UGT2A2: variants seen among roughly 807,000 people sequenced by gnomAD.
UGT2A2 encodes UDP glucuronosyltransferase family 2 member A2.
A neutral mutation model predicts 50.7 loss-of-function variants in UGT2A2; 60 were observed. That is an observed-to-expected ratio of 1.18 (90% confidence interval 0.96 to 1.47). The LOEUF is 1.47. UGT2A2 is among the 40% of genes most tolerant of loss of function. The pLI is 0.00. For missense variants in UGT2A2, 762 were observed against 634.0 expected, an observed-to-expected ratio of 1.20 and a Z score of -2.17; for synonymous variants, 242 against 214.6, an observed-to-expected ratio of 1.13 and a Z score of -1.11.
chr4:69,597,820 T>C (rs1247557631), intron 2 of UGT2A2, among the ~76,000 whole-genome samples: 4 of 152,136 alleles, frequency 2.6e-5, no homozygotes, highest in African/African-American at 7.2e-5. Context: ...TTTTGTATTC[T>C]GTGTACCCAG....
At chr4:69,591,970 T>A (rs1718618519) in intron 5 of UGT2A2, among the ~76,000 whole-genome samples, 1 of 152,182 alleles carries the variant, frequency 6.6e-6, no homozygotes, top group South Asian at 2.1e-4. Context: ...ATACAACATG[T>A]ACGTATTAAT....
chr4:69,633,685 G>A (rs912438569), intron 1 of UGT2A2, among the ~76,000 whole-genome samples: 2 of 152,078 alleles, frequency 1.3e-5, no homozygotes, highest in African/African-American at 4.8e-5. Flanking sequence ...ATCAAAATAA[G>A]CAAGATACAA....
At chr4:69,594,985 C>A (rs1718830837) in intron 4 of UGT2A2, among the ~76,000 whole-genome samples, 177 bp downstream of exon 4, 1 of 152,060 alleles carries the variant, frequency 6.6e-6, no homozygotes, top group South Asian at 2.1e-4. Context: ...TTTTGTGAAC[C>A]AGAGGAAGCC....
Position 69,596,383 on chromosome 4 carries a change from T to C in UGT2A2, c.892-2A>G, listed in dbSNP as rs1325460788. 1 of 1,580,110 alleles carries C rather than the reference T, an allele frequency of 6.3e-7. No homozygotes were observed. On this transcript the variant is annotated splice_acceptor_variant, in intron 2 of 5. Transcript: ENST00000604629. LOFTEE classifies it high-confidence loss of function. ...GCTCTGGATAAATTCTTCCATTTCC[T>C]GCATACATAATATATTTTCTATTAC...
intron 1 of UGT2A2, among the ~76,000 whole-genome samples, chr4:69,621,840 T>TG (rs1274742562): frequency 6.6e-6 from 1 of 151,918 alleles, no homozygotes; most frequent in African/African-American, 2.4e-5. Context: ...AAAGAGAACA[T>TG]GTTTTTTGCA....
chr4:69,610,519 A>T (rs62306515), intron 1 of UGT2A2, among the ~76,000 whole-genome samples: 2,048 of 152,250 alleles, frequency 0.013, 22 homozygotes, highest in Non-Finnish European at 0.02. Context: ...TTAAACACAA[A>T]CTTTAAATAA....
chr4:69,639,612 G>A lies in UGT2A2; in HGVS notation c.29C>T (p.Pro10Leu), dbSNP rs778399316. The change falls in exon 1 of 6, where the codon CCT becomes CTT. Residue 10 changes from proline to leucine, a missense_variant. Physicochemically the swap from Pro to Leu is moderately conservative, Grantham distance 98. Transcript: ENST00000604629. ...AACCAGCATCTGGACAAACTTCTTA[G>A]GCATGGTAAAATCCCTTATGGAAAC... MVSIRDFTM[P>L]KKFVQMLVFN... 6.3e-7 allele frequency: 1 copy of A among 1,598,846 alleles called. No homozygotes were observed. Among genetic ancestry groups the A allele is most frequent in the Non-Finnish European group, 8.5e-7 (1 of 1,174,434 alleles).
At chr4:69,597,436 C>A (rs1718993677) in intron 2 of UGT2A2, among the ~76,000 whole-genome samples, 1 of 152,132 alleles carries the variant, frequency 6.6e-6, no homozygotes, top group Non-Finnish European at 1.5e-5. Flanking sequence ...TTTGACACTG[C>A]AAAATCTGAG....
intron 1 of UGT2A2, among the ~76,000 whole-genome samples, chr4:69,625,759 T>C (rs1721019787): frequency 6.6e-6 from 1 of 151,536 alleles, no homozygotes; most frequent in Admixed American, 6.6e-5. Context: ...AGTCTAAAGA[T>C]GTATCTTTTC....
intron 1 of UGT2A2, among the ~76,000 whole-genome samples, chr4:69,607,940 C>G (rs546701626): frequency 1.3e-3 from 192 of 152,022 alleles, no homozygotes; most frequent in Middle Eastern, 3.4e-3. Flanking sequence ...GAGAGGATGT[C>G]GAGAAATAGG....
At chr4:69,590,665 G>GTGTC (rs1201804623) in intron 5 of UGT2A2, among the ~76,000 whole-genome samples, 1 of 149,640 alleles carries the variant, frequency 6.7e-6, no homozygotes, top group South Asian at 2.1e-4. Context: ...GTGTGTTTGT[G>GTGTC]TGTCTGTCTG....
At chr4:69,638,823 G>A in intron 1 of UGT2A2, 76 bp downstream of exon 1, 1 of 1,444,806 alleles carries the variant, frequency 6.9e-7, no homozygotes, top group East Asian at 2.5e-5. Flanking sequence ...GCAGTGGAAT[G>A]GAAATCGTTT....
chr4:69,611,972 T>C lies in UGT2A2; in HGVS notation c.743-12578A>G, dbSNP rs4148293. ...TGTATAGCAAGAAAAATTTCCTCTG[T>C]TGACTTGTCCCTGTGTGGAAGAAAA... On this transcript the variant is annotated intron_variant, in intron 1 of 5. Coordinates refer to ENST00000604629, the MANE Select transcript of UGT2A2 (RefSeq NM_001105677.2). Among the ~76,000 whole-genome samples, 31 of 152,244 alleles carry C rather than the reference T, an allele frequency of 2.0e-4. No individual in the cohort carries two copies. The East Asian group carries it at 6.0e-3, about 29-fold the overall frequency.
At chr4:69,614,970 G>A (rs1720290664) in intron 1 of UGT2A2, among the ~76,000 whole-genome samples, 1 of 151,984 alleles carries the variant, frequency 6.6e-6, no homozygotes, top group South Asian at 2.1e-4. Flanking sequence ...GGTGGCAGGA[G>A]AGAGAAAGAG....
chr4:69,599,769 G>C (rs1394408524), intron 1 of UGT2A2: 1 of 164,138 alleles, frequency 6.1e-6, no homozygotes, highest in Non-Finnish European at 1.3e-5. Context: ...AGTGGGGCCT[G>C]GGAAAGGAAG....
At chr4:69,637,095 A>G (rs1441089540) in intron 1 of UGT2A2, among the ~76,000 whole-genome samples, 1 of 152,172 alleles carries the variant, frequency 6.6e-6, no homozygotes, top group Non-Finnish European at 1.5e-5. Flanking sequence ...AGACATACTC[A>G]TGTGAATTAT....
At chr4:69,618,207 G>GTGTATGTTTT (rs1553905696) in intron 1 of UGT2A2, among the ~76,000 whole-genome samples, 3 of 72,718 alleles carry the variant, frequency 4.1e-5, no homozygotes, top group African/African-American at 1.2e-4. Flanking sequence ...GTGTGTGTGT[G>GTGTATGTTTT]TGTGTGTGTA....
chr4:69,613,056 A>T (rs1023006060), intron 1 of UGT2A2, among the ~76,000 whole-genome samples: 3 of 56,218 alleles, frequency 5.3e-5, no homozygotes, highest in African/African-American at 1.8e-4. Flanking sequence ...AACCTCACTA[A>T]AAAAGACAGG....
chr4:69,604,270 C>A (rs965350451), intron 1 of UGT2A2, among the ~76,000 whole-genome samples: 1 of 136,766 alleles, frequency 7.3e-6, no homozygotes, highest in Non-Finnish European at 1.6e-5. Context: ...ATTCACCATT[C>A]TTAAAGAAAA....
Sources: gnomAD v4.1 joint callset for allele counts (sites outside exome capture counted in the v4.1 genomes callset) on GRCh38, gnomAD v4.1.1 for gene constraint, MANE v1.5 for transcripts, NCBI Gene and HGNC (gene_info 2026-07-23, HGNC 2026-07-21) for gene names.